The following GCGR variants were observed in gnomAD, a reference collection of about 807,000 sequenced individuals.
GCGR encodes glucagon receptor.
Under a neutral mutation model 56.1 loss-of-function variants are expected in GCGR, and 41 were observed. That is an observed-to-expected ratio of 0.73 (90% CI 0.57 to 0.95). The LOEUF is 0.95. Ranked by LOEUF, GCGR falls within the 40% of genes least tolerant of loss-of-function variation. The pLI, the probability that GCGR is intolerant of heterozygous loss-of-function variation, is 0.00. For synonymous variants in GCGR, 278 were observed against 271.1 expected (o/e 1.03, Z -0.25); for missense variants, 595 against 638.2 (o/e 0.93, Z 0.73).
In GCGR at chr17:81,810,781, A is replaced by ACCCTGCCCTG. The variant is rs750680866; in HGVS notation, c.164-37_164-28dup. On this transcript the variant is annotated intron_variant, in intron 3 of 13. Transcript: ENST00000400723. The surrounding 1 kb of genome is among the most constrained non-coding windows in gnomAD (Gnocchi z 4.6). ...GCCTGCTGAGGGAGCCCCTTCTCCCACCCTGCCCTGCCCTGCTCTGCCCTG... is the reference window on the plus strand; with the variant it reads ...GCCTGCTGAGGGAGCCCCTTCTCCCACCCTGCCCTGCCCTGCCCTGCCCTGCTCTGCCCTG... 2 of 1,443,950 alleles carry ACCCTGCCCTG rather than the reference A, an allele frequency of 1.4e-6. No individual in the cohort carries two copies. Among genetic ancestry groups the ACCCTGCCCTG allele is most frequent in the Non-Finnish European group, 1.9e-6 (2 of 1,065,320 alleles). The allele number at this position is 1,443,950 out of a possible 1,614,324, so 89.4% of individuals were successfully genotyped here. A position where few individuals can be genotyped will look rare whatever the true frequency, so the allele number is the denominator to read the frequency against.
rs1448722703 is a variant in GCGR at position 81,804,912 on chromosome 17, C to G, written c.-178+663C>G. Among the ~76,000 whole-genome samples, 1 of 152,222 alleles carries G rather than the reference C, an allele frequency of 6.6e-6. No individual in the cohort carries two copies. The highest frequency in any genetic ancestry group is 6.5e-5 in the Admixed American group (1 of 15,286). On this transcript the variant is annotated intron_variant, in intron 1 of 13. Transcript: ENST00000400723. The surrounding 1 kb of genome is among the most constrained non-coding windows in gnomAD (Gnocchi z 8.2). ...CCGACTGACCCCGGCCCCCTCGGCG[C>G]CCGCATCCTCCAAGGACCGGCCAGG...
chr17:81,809,522 CCT>C (rs2038043564), intron 2 of GCGR, among the ~76,000 whole-genome samples: 1 of 120,356 alleles, frequency 8.3e-6, no homozygotes, highest in East Asian at 2.7e-4. Flanking sequence ...TGTCTGCCTG[CCT>C]GTCTGCCTGT....
rs1488610176 is a variant in GCGR at position 81,811,514 on chromosome 17, A to G, written c.611A>G (p.Gln204Arg). The change falls in exon 7 of 14, where the codon CAG becomes CGG. Residue 204 changes from glutamine (Q) to arginine (R), a missense_variant. Physicochemically the swap from Gln to Arg is conservative, Grantham distance 43. Transcript: ENST00000400723. This position sits in a 1 kb window ranked among gnomAD's most constrained non-coding sequence, Gnocchi z 5.8. The part of the protein sequence containing the change: ...IDGLLRTRYS[Q>R]KIGDDLSVST... The stretch of plus-strand genomic sequence containing the variant: ...GGGCTGCTCAGGACCCGCTACAGCC[A>G]GAAAATTGGCGACGACCTCAGTGTC... The G allele has an allele frequency of 2.0e-6, 3 of 1,536,638 alleles. No individual in the cohort carries two copies. The South Asian group carries it at 3.6e-5, about 18-fold the overall frequency.
chr17:81,804,674 C>T lies in GCGR; in HGVS notation c.-178+425C>T, dbSNP rs1366124099. Among the ~76,000 whole-genome samples the T allele has an allele frequency of 1.3e-5, 2 of 152,084 alleles. No homozygotes were observed. Among genetic ancestry groups the T allele is most frequent in the Admixed American group, 1.3e-4 (2 of 15,282 alleles). ...GGGTCTCACCAGCGCTGTCTCCCCT[C>T]GGTGGGCTCCTGCCCCGAGGACTGC... On this transcript the variant is annotated intron_variant, in intron 1 of 13. Coordinates refer to ENST00000400723, the MANE Select transcript of GCGR (RefSeq NM_000160.5). The surrounding 1 kb of genome is among the most constrained non-coding windows in gnomAD (Gnocchi z 8.2).
Position 81,810,889 on chromosome 17 carries a change from G to T in GCGR, c.228G>T (p.Thr76=). The change falls in exon 4 of 14, where the codon ACG becomes ACT. Residue 76 remains threonine (T), a synonymous_variant. Transcript: ENST00000400723. This position sits in a 1 kb window ranked among gnomAD's most constrained non-coding sequence, Gnocchi z 4.6. ...GGCCGGACACCCCCGCCAATACCAC[G>T]GCCAACATCTCCTGCCCCTGGTACC... The part of the protein sequence containing the change: ...SCWPDTPANT[T]ANISCPWYLP... The T allele has an allele frequency of 6.5e-7, 1 of 1,535,740 alleles. No homozygotes were observed. Among genetic ancestry groups the T allele is most frequent in the Non-Finnish European group, 8.7e-7 (1 of 1,146,356 alleles).
intron 1 of GCGR, 80 bp from the exon 2 acceptor site, chr17:81,808,762 A>G (rs1373512834): frequency 1.6e-5 from 9 of 559,752 alleles, no homozygotes; most frequent in East Asian, 6.1e-5. Context: ...CTCGTGATCC[A>G]CCCCCCTCGG....
In GCGR at chr17:81,812,704, C is replaced by G; in HGVS notation, c.1037+39C>G. 4 of 1,530,422 alleles carry G rather than the reference C, an allele frequency of 2.6e-6. No individual in the cohort carries two copies. Among genetic ancestry groups the G allele is most frequent in the Non-Finnish European group, 2.6e-6 (3 of 1,142,272 alleles). The allele number at this position is 1,530,422 out of a possible 1,614,324, so 94.8% of individuals were successfully genotyped here. On this transcript the variant is annotated intron_variant, in intron 11 of 13. Transcript: ENST00000400723. The surrounding 1 kb of genome is among the most constrained non-coding windows in gnomAD (Gnocchi z 8.5). ...CAGCTGGCGTCTCGAGACCTGGAGA[C>G]CCTCAGGGCCAGAGGGCAGCTGGGG...
Position 81,811,832 on chromosome 17 carries a change from G to C in GCGR, c.817+22G>C. 6.5e-7 allele frequency: 1 copy of C among 1,536,978 alleles called. No individual in the cohort carries two copies. The highest frequency in any genetic ancestry group is 8.7e-7 in the Non-Finnish European group (1 of 1,146,842). ...TGGGGTGAGTGGGCTGGCATGAGAGGGGGTTAAGGCAGGCTGACCAAGCCT... is the reference window on the plus strand; with the variant it reads ...TGGGGTGAGTGGGCTGGCATGAGAGCGGGTTAAGGCAGGCTGACCAAGCCT... On this transcript the variant is annotated intron_variant, in intron 8 of 13. Coordinates refer to ENST00000400723, the MANE Select transcript of GCGR (RefSeq NM_000160.5). The surrounding 1 kb of genome is among the most constrained non-coding windows in gnomAD (Gnocchi z 5.8).
intron 2 of GCGR, 65 bp downstream of exon 2, chr17:81,809,143 T>TCTGC (rs1568250028): frequency 2.7e-6 from 4 of 1,501,910 alleles, no homozygotes. Flanking sequence ...CTGATGGCTC[T>TCTGC]CTGTCTGCCT....
intron 1 of GCGR, among the ~76,000 whole-genome samples, chr17:81,805,715 C>T (rs2037948724): frequency 6.6e-6 from 1 of 152,158 alleles, no homozygotes; most frequent in Non-Finnish European, 1.5e-5. Flanking sequence ...CTTGGGAACC[C>T]CTCCCCTAAT....
chr17:81,805,409 T>A (rs2037936698), intron 1 of GCGR, among the ~76,000 whole-genome samples: 1 of 152,000 alleles, frequency 6.6e-6, no homozygotes. Flanking sequence ...TGGTGGCTGG[T>A]GTGGCCCGGC....
At chr17:81,809,193 T>TGCCC (rs1430058152) in intron 2 of GCGR, 115 bp downstream of exon 2, 2 of 1,264,606 alleles carry the variant, frequency 1.6e-6, no homozygotes, top group African/African-American at 1.5e-5. Context: ...TCTGTCTGTC[T>TGCCC]GCCCGTCTGC....
At position 81,811,346 on chromosome 17, in the gene GCGR, C is replaced by G. The variant is rs1025874768; in HGVS notation, c.500+18C>G. ...GGCCTCAGGTAGGATTCCGCCAGCG[C>G]CCGGGGCGGCCGCAGAGGACAGGGA... is the stretch of plus-strand genomic sequence containing the variant. On this transcript the variant is annotated intron_variant, in intron 6 of 13. Coordinates refer to ENST00000400723, the MANE Select transcript of GCGR (RefSeq NM_000160.5). The surrounding 1 kb of genome is among the most constrained non-coding windows in gnomAD (Gnocchi z 5.8). 6.5e-7 allele frequency: 1 copy of G among 1,534,526 alleles called. No individual in the cohort carries two copies. Among genetic ancestry groups the G allele is most frequent in the South Asian group, 1.2e-5 (1 of 84,034 alleles).
At position 81,810,078 on chromosome 17, in the gene GCGR, T is replaced by C. The variant is rs4796842; in HGVS notation, c.163+194T>C. On this transcript the variant is annotated intron_variant, in intron 3 of 13. Transcript: ENST00000400723. The surrounding 1 kb of genome is among the most constrained non-coding windows in gnomAD (Gnocchi z 4.6). Reference sequence around the variant, plus strand: ...TGAGCCACAGAGCTGGGGACTTGCCTCAGGCCGCAGAGCCAGGAAATAACA... The same window carrying C: ...TGAGCCACAGAGCTGGGGACTTGCCCCAGGCCGCAGAGCCAGGAAATAACA... The C allele has an allele frequency of 0.17, 111,857 of 649,746 alleles. 10,400 individuals are homozygous for C. The highest frequency in any genetic ancestry group is 0.23 in the Admixed American group (10,225 of 45,124). The allele number at this position is 649,746 out of a possible 1,614,324, so 40.2% of individuals were successfully genotyped here.
At chr17:81,805,180 C>A (rs1051426291) in intron 1 of GCGR, 1 of 152,324 alleles carries the variant, frequency 6.6e-6, no homozygotes, top group African/African-American at 2.4e-5. Flanking sequence ...CTGGGAGCCC[C>A]GCTGCCTTCC....
Position 81,811,816 on chromosome 17 carries a change from T to C in GCGR, c.817+6T>C, listed in dbSNP as rs2038106772. 1 of 1,536,232 alleles carries C rather than the reference T, an allele frequency of 6.5e-7. No homozygotes were observed. The highest frequency in any genetic ancestry group is 8.7e-7 in the Non-Finnish European group (1 of 1,146,726). On this transcript the variant is annotated splice_donor_region_variant and intron_variant, in intron 8 of 13. Transcript: ENST00000400723. This position sits in a 1 kb window ranked among gnomAD's most constrained non-coding sequence, Gnocchi z 5.8. The stretch of plus-strand genomic sequence containing the variant: ...CTACCTGGGCATCGGCTGGGGTGAG[T>C]GGGCTGGCATGAGAGGGGGTTAAGG...
chr17:81,813,524 G>C lies in GCGR; in HGVS notation c.1269G>C (p.Val423=). 6.5e-7 allele frequency: 1 copy of C among 1,536,022 alleles called. No individual in the cohort carries two copies. The highest frequency in any genetic ancestry group is 8.7e-7 in the Non-Finnish European group (1 of 1,146,780). Residue 423 remains valine, a synonymous_variant, in exon 14 of 14, where the codon GTG becomes GTC. Transcript: ENST00000400723. This position sits in a 1 kb window ranked among gnomAD's most constrained non-coding sequence, Gnocchi z 5.3. ...GGCACCGCTGGCGCCTGGGCAAAGT[G>C]CTATGGGAGGAGCGGAACACCAGCA... The part of the protein sequence containing the change: ...RRWHRWRLGK[V]LWEERNTSNH...
In GCGR at chr17:81,813,381, A is replaced by C. The variant is rs1315722859; in HGVS notation, c.1219-93A>C. ...TCGCTCTGCACCCCTCAGAGCGGAGACTGGGCATCTCCGATGAGGCCCACA... is the reference window on the plus strand; with the variant it reads ...TCGCTCTGCACCCCTCAGAGCGGAGCCTGGGCATCTCCGATGAGGCCCACA... On this transcript the variant is annotated intron_variant, in intron 13 of 13. Transcript: ENST00000400723. The surrounding 1 kb of genome is among the most constrained non-coding windows in gnomAD (Gnocchi z 5.3). 6.6e-6 allele frequency: 8 copies of C among 1,207,662 alleles called. No individual in the cohort carries two copies. The East Asian group carries it at 2.0e-4, about 31-fold the overall frequency. The allele number at this position is 1,207,662 out of a possible 1,614,324, so 74.8% of individuals were successfully genotyped here. A position where few individuals can be genotyped will look rare whatever the true frequency, so the allele number is the denominator to read the frequency against.
At position 81,806,473 on chromosome 17, in the gene GCGR, C is replaced by T. The variant is rs2037967720; in HGVS notation, c.-178+2224C>T. On this transcript the variant is annotated intron_variant, in intron 1 of 13. Transcript: ENST00000400723. This position sits in a 1 kb window ranked among gnomAD's most constrained non-coding sequence, Gnocchi z 6.5. ...GCTGAGGGGACACAGAGCCCCACTC[C>T]TGGGTCCTGACTGTTTCAAAGAAAG... Among the ~76,000 whole-genome samples the T allele has an allele frequency of 6.6e-6, 1 of 152,174 alleles. No homozygotes were observed. The highest frequency in any genetic ancestry group is 1.5e-5 in the Non-Finnish European group (1 of 68,022).
Sources: gnomAD v4.1 joint callset for allele counts (sites outside exome capture counted in the v4.1 genomes callset) on GRCh38, gnomAD v4.1.1 for gene constraint, Gnocchi (gnomAD v3.1) non-coding constraint, MANE v1.5 for transcripts, NCBI Gene and HGNC (gene_info 2026-07-23, HGNC 2026-07-21) for gene names.